Variants in TTC28 observed in about 807,000 individuals in gnomAD.
TTC28 encodes tetratricopeptide repeat domain 28.
TTC28 carries 61 observed loss-of-function variants against 198.0 expected under a neutral mutation model. The ratio of observed to expected loss-of-function variants is 0.31; its 90% CI spans 0.25 to 0.38. TTC28 has a LOEUF of 0.38. TTC28 is among the 10% of genes least tolerant of loss of function. The pLI, the probability that TTC28 is intolerant of heterozygous loss-of-function variation, is 1.00. For missense variants in TTC28, 2,678 were observed against 3,164.0 expected (o/e 0.85, Z 3.69); for synonymous variants, 1,171 against 1,297.8 (o/e 0.90, Z 2.10).
chr22:28,587,096 C>T (rs1240375331), intron 2 of TTC28, among the ~76,000 whole-genome samples: 3 of 152,074 alleles, frequency 2.0e-5, no homozygotes, highest in African/African-American at 4.8e-5. Flanking sequence ...GTGGCGGGCG[C>T]CTATAGGCCT....
At chr22:28,422,742 G>A (rs2047280056) in intron 2 of TTC28, among the ~76,000 whole-genome samples, 1 of 152,000 alleles carries the variant, frequency 6.6e-6, no homozygotes, top group South Asian at 2.1e-4. Flanking sequence ...ACCGCACCCA[G>A]CCAAATAAGT....
At chr22:28,046,174 A>G (rs1479469274) in intron 12 of TTC28, among the ~76,000 whole-genome samples, 4 of 152,224 alleles carry the variant, frequency 2.6e-5, no homozygotes, top group African/African-American at 4.8e-5. Flanking sequence ...AAAATAGTGT[A>G]GTAACTTCAT....
Position 28,101,276 on chromosome 22 carries a change from T to C in TTC28, c.3312A>G (p.Leu1104=). ...SQAVMYLQEG[L]RLAEQLGRRE... is the part of the protein sequence containing the mutation. ...TTCGGCCCAGTTGCTCAGCTAACCT[T>C]AAACCTGAAACCAGATAGAGAAATT... The change falls in exon 9 of 23, where the codon TTA becomes TTG. Residue 1104 remains leucine (L), a synonymous_variant. Coordinates refer to ENST00000397906, the MANE Select transcript of TTC28 (RefSeq NM_001145418.2). The C allele has an allele frequency of 6.4e-7, 1 of 1,551,452 alleles. No homozygotes were observed. Among genetic ancestry groups the C allele is most frequent in the Non-Finnish European group, 8.7e-7 (1 of 1,146,678 alleles).
chr22:28,580,438 A>G (rs2050218455), intron 2 of TTC28, among the ~76,000 whole-genome samples: 1 of 152,154 alleles, frequency 6.6e-6, no homozygotes, highest in African/African-American at 2.4e-5. Context: ...GGGTCTCACT[A>G]TGTTGCCCAG....
chr22:28,616,188 T>C (rs1411711468), intron 2 of TTC28, among the ~76,000 whole-genome samples: 3 of 152,192 alleles, frequency 2.0e-5, no homozygotes, highest in Non-Finnish European at 2.9e-5. Flanking sequence ...GTCTTCAGAA[T>C]CACATCAACC....
chr22:28,591,034 CACACACATATATATAT>C (rs1179160189), intron 2 of TTC28, among the ~76,000 whole-genome samples: 1,519 of 47,738 alleles, frequency 0.032, 16 homozygotes, highest in Admixed American at 0.088. Flanking sequence ...CACACACACA[CACACACATATATATAT>C]ATATATATAT....
intron 5 of TTC28, among the ~76,000 whole-genome samples, chr22:28,203,405 T>C (rs1926137029): frequency 6.6e-6 from 1 of 152,188 alleles, no homozygotes; most frequent in African/African-American, 2.4e-5. Flanking sequence ...TAGCTATTTT[T>C]ATTGTAACCT....
intron 5 of TTC28, among the ~76,000 whole-genome samples, chr22:28,273,837 AAG>A (rs1466283046): frequency 1.3e-5 from 2 of 152,304 alleles, no homozygotes; most frequent in East Asian, 3.9e-4. Flanking sequence ...AAGAAAAAGC[AAG>A]AATAGAGGGA....
rs35292146 is a variant in TTC28 at position 28,677,158 on chromosome 22, G to GAAAA, written c.102+2460_102+2463dup. Among the ~76,000 whole-genome samples the GAAAA allele has an allele frequency of 8.2e-4, 37 of 45,014 alleles. 1 individual carries two copies. The highest frequency in any genetic ancestry group is 4.0e-3 in the South Asian group (5 of 1,250). 29.5% of individuals were successfully genotyped at this position (45,014 alleles called of 152,430 possible). On this transcript the variant is annotated intron_variant, in intron 1 of 22. Transcript: ENST00000397906. ...GTGACAGAGCAAGACTCCATCTCAG[G>GAAAA]AAAAAAAAAAAAAAAAAATATATAT...
chr22:27,994,791 A>G (rs1601493499), intron 17 of TTC28: 1 of 152,494 alleles, frequency 6.6e-6, no homozygotes, highest in East Asian at 1.9e-4. Flanking sequence ...GCCTGGGAGG[A>G]GGTGACTAAT....
At chr22:28,010,810 AT>A (rs1175155389) in intron 14 of TTC28, among the ~76,000 whole-genome samples, 1 of 152,198 alleles carries the variant, frequency 6.6e-6, no homozygotes, top group Non-Finnish European at 1.5e-5. Context: ...TGAAAAGCCT[AT>A]TGGCTGATTT....
At chr22:28,600,186 G>C (rs2050616008) in intron 2 of TTC28, among the ~76,000 whole-genome samples, 1 of 152,046 alleles carries the variant, frequency 6.6e-6, no homozygotes, top group African/African-American at 2.4e-5. Context: ...CTTGAATCCA[G>C]GAGTTCAAGA....
At chr22:28,444,573 C>A (rs1287327576) in intron 2 of TTC28, among the ~76,000 whole-genome samples, 1 of 152,122 alleles carries the variant, frequency 6.6e-6, no homozygotes, top group Non-Finnish European at 1.5e-5. Flanking sequence ...AGAACCTATG[C>A]CTACATTCAT....
intron 6 of TTC28, among the ~76,000 whole-genome samples, chr22:28,157,990 A>C (rs540296732): frequency 6.3e-4 from 96 of 152,264 alleles, no homozygotes; most frequent in Non-Finnish European, 7.4e-5. Flanking sequence ...TTGTTTGCAG[A>C]TGACATGATA....
intron 2 of TTC28, among the ~76,000 whole-genome samples, chr22:28,342,656 C>T (rs561167439): frequency 5.3e-5 from 8 of 152,160 alleles, no homozygotes; most frequent in East Asian, 1.9e-4. Flanking sequence ...CACATACATA[C>T]GCATATATGA....
intron 2 of TTC28, among the ~76,000 whole-genome samples, chr22:28,322,893 A>G (rs1238064775): frequency 6.6e-6 from 1 of 152,126 alleles, no homozygotes; most frequent in African/African-American, 2.4e-5. Context: ...ATCTAGCTGC[A>G]TTCCTTGGCT....
In TTC28 at chr22:27,983,253, C is replaced by T. The variant is rs1275588637; in HGVS notation, c.6414G>A (p.Gln2138=). Residue 2138 remains glutamine, a synonymous_variant, in exon 23 of 23, where the codon CAG becomes CAA. Coordinates refer to ENST00000397906, the MANE Select transcript of TTC28 (RefSeq NM_001145418.2). ...LASSDTGESD[Q]SSTETDSTVK... ...CGGTACTGTCCGTTTCTGTGCTAGA[C>T]TGGTCTGATTCTCCTGTATCTGAGC... 1.9e-6 allele frequency: 3 copies of T among 1,551,806 alleles called. No individual in the cohort carries two copies. The highest frequency in any genetic ancestry group is 1.7e-6 in the Non-Finnish European group (2 of 1,147,088).
intron 2 of TTC28, among the ~76,000 whole-genome samples, chr22:28,519,842 G>A (rs748278371): frequency 3.3e-5 from 5 of 152,102 alleles, no homozygotes; most frequent in African/African-American, 4.8e-5. Flanking sequence ...TAGTGCATTG[G>A]GCAGCAAGCC....
intron 2 of TTC28, among the ~76,000 whole-genome samples, chr22:28,480,295 T>A (rs189922809): frequency 6.6e-6 from 1 of 152,182 alleles, no homozygotes; most frequent in Non-Finnish European, 1.5e-5. Flanking sequence ...CTCATGTAAC[T>A]AAGCTATACA....
Sources: allele counts gnomAD v4.1 joint callset (sites outside exome capture counted in the v4.1 genomes callset), GRCh38; gene constraint gnomAD v4.1.1; transcripts MANE v1.5; gene names NCBI Gene and HGNC (gene_info 2026-07-23, HGNC 2026-07-21).